The following AATK variants were observed in gnomAD, a reference collection of about 807,000 sequenced individuals.
AATK encodes serine/threonine-protein kinase LMTK1.
A neutral mutation model predicts 114.3 loss-of-function variants in AATK; 91 were observed. That is an observed-to-expected ratio of 0.80 (90% CI 0.67 to 0.95). The LOEUF is 0.95. AATK is among the 40% of genes least tolerant of loss of function. The pLI is 0.00. For missense variants in AATK, 2,176 were observed against 1,965.2 expected, an observed-to-expected ratio of 1.11 and a Z score of -2.03; for synonymous variants, 1,075 against 916.5, an observed-to-expected ratio of 1.17 and a Z score of -3.12.
chr17:81,128,942 A>G, intron 3 of AATK: 1 of 1,080,652 alleles, frequency 9.3e-7, no homozygotes, highest in Non-Finnish European at 1.1e-6. Context: ...GCCCACCCCC[A>G]CCCTGCCGCA....
At chr17:81,140,674 ACCATGGG>A (rs1567819410) in intron 1 of AATK, among the ~76,000 whole-genome samples, 17 of 76,662 alleles carry the variant, frequency 2.2e-4, no homozygotes, top group African/African-American at 5.6e-4. Flanking sequence ...GGCCGTGGGG[ACCATGGG>A]GCCGTGGGGC....
rs2061146730 is a variant in AATK at position 81,141,961 on chromosome 17, C to CTTCCTTCCTTCCTTCCTTCCTTCCT, written c.56-7461_56-7460insAGGAAGGAAGGAAGGAAGGAAGGAA. Among the ~76,000 whole-genome samples, 3 of 84,436 alleles carry CTTCCTTCCTTCCTTCCTTCCTTCCT rather than the reference C, an allele frequency of 3.6e-5. No homozygotes were observed. In the South Asian group the frequency reaches 1.3e-3, roughly 38 times the overall value. 55.4% of individuals were successfully genotyped at this position (84,436 alleles called of 152,430 possible). ...CTTCCTTCCTTCCTTCCTTTCCTTC[C>CTTCCTTCCTTCCTTCCTTCCTTCCT]TTCCTTCCTTCCTTGATAGAGTCTC... On this transcript the variant is annotated intron_variant, in intron 1 of 13. Coordinates refer to ENST00000326724, the MANE Select transcript of AATK (RefSeq NM_001080395.3).
intron 1 of AATK, among the ~76,000 whole-genome samples, chr17:81,135,170 C>T (rs2060991237): frequency 6.6e-6 from 1 of 152,220 alleles, no homozygotes; most frequent in Non-Finnish European, 1.5e-5. Context: ...CATGGAGCCC[C>T]TCATCCCAGA....
chr17:81,127,273 C>CCG (rs1555695260), intron 6 of AATK, among the ~76,000 whole-genome samples: 1 of 152,016 alleles, frequency 6.6e-6, no homozygotes, highest in African/African-American at 2.4e-5. Context: ...AGTGCCCCCC[C>CCG]CCAGTTGGCC....
rs773864534 is a variant in AATK at position 81,121,803 on chromosome 17, T to C, written c.2133A>G (p.Pro711=). 2 of 1,580,958 alleles carry C rather than the reference T, an allele frequency of 1.3e-6. No homozygotes were observed. Among genetic ancestry groups the C allele is most frequent in the Non-Finnish European group, 1.7e-6 (2 of 1,169,638 alleles). The change falls in exon 11 of 14, where the codon CCA becomes CCG. Residue 711 remains proline, a synonymous_variant. Transcript: ENST00000326724. ...CGGGGGAGGCCCGTGGGGTCTGCTT[T>C]GGACTGGGGCAGCCCTCAGCGTGGC... ...AGGHAEGCPS[P]KQTPRASPEP... is the part of the protein sequence containing the mutation.
intron 1 of AATK, among the ~76,000 whole-genome samples, chr17:81,149,863 C>T (rs1383055759): frequency 6.6e-6 from 1 of 152,322 alleles, no homozygotes; most frequent in Admixed American, 6.5e-5. Context: ...CTCAGTTTCC[C>T]CAGTCTACCT....
chr17:81,127,562 T>TC lies in AATK; in HGVS notation c.621+20dup, dbSNP rs765301658. The TC allele has an allele frequency of 1.0e-5, 16 of 1,578,312 alleles. 1 individual carries two copies. In the Middle Eastern group the frequency reaches 2.0e-3, roughly 197 times the overall value. ...CCCCGGCTCAGCAAAGACCCCAGCA[T>TC]CCCCCCGGGCAGCAGCTCACCAGTG... On this transcript the variant is annotated intron_variant, in intron 6 of 13. Coordinates refer to ENST00000326724, the MANE Select transcript of AATK (RefSeq NM_001080395.3).
intron 1 of AATK, among the ~76,000 whole-genome samples, chr17:81,158,523 A>C (rs1567829122): frequency 6.6e-6 from 1 of 152,226 alleles, no homozygotes; most frequent in Non-Finnish European, 1.5e-5. Context: ...GGGTCACGGG[A>C]AGTGAAGCAG....
Position 81,126,886 on chromosome 17 carries a change from G to A in AATK, c.622-326C>T. 8.7e-7 allele frequency: 1 copy of A among 1,155,666 alleles called. No individual in the cohort carries two copies. The highest frequency in any genetic ancestry group is 1.1e-6 in the Non-Finnish European group (1 of 932,716). The allele number at this position is 1,155,666 out of a possible 1,614,324, so 71.6% of individuals were successfully genotyped here. On this transcript the variant is annotated intron_variant, in intron 6 of 13. Coordinates refer to ENST00000326724, the MANE Select transcript of AATK (RefSeq NM_001080395.3). This position sits in a 1 kb window ranked among gnomAD's most constrained non-coding sequence, Gnocchi z 5.1. ...ATGGAGTCTGGGGCTGGTGGTCGAG[G>A]GTTGGCCGGCAGCCCCTGACCTGCC...
chr17:81,138,079 C>T (rs1163884314), intron 1 of AATK, among the ~76,000 whole-genome samples: 1 of 150,918 alleles, frequency 6.6e-6, no homozygotes. Flanking sequence ...CGGACCCACA[C>T]CTGTGTGCAC....
rs142492797 is a variant in AATK at position 81,157,545 on chromosome 17, C to T, written c.55+8393G>A. Among the ~76,000 whole-genome samples the T allele has an allele frequency of 8.6e-3, 1,309 of 152,228 alleles. 7 individuals are homozygous for T. The highest frequency in any genetic ancestry group is 0.013 in the Non-Finnish European group (902 of 68,012). The stretch of plus-strand genomic sequence containing the variant: ...CTCTAAGTCCGCCTCTCCTGCCCCT[C>T]GACAGCCAACCCTGCAATCAAACAT... On this transcript the variant is annotated intron_variant, in intron 1 of 13. Coordinates refer to ENST00000326724, the MANE Select transcript of AATK (RefSeq NM_001080395.3).
chr17:81,143,538 C>T (rs868700161), intron 1 of AATK, among the ~76,000 whole-genome samples: 2 of 85,166 alleles, frequency 2.3e-5, no homozygotes, highest in African/African-American at 3.6e-5. Context: ...AGCCCCCACC[C>T]CCCGTGTCCA....
intron 1 of AATK, among the ~76,000 whole-genome samples, chr17:81,160,003 G>A (rs980952887): frequency 2.0e-5 from 3 of 152,172 alleles, no homozygotes; most frequent in African/African-American, 4.8e-5. Context: ...ACGCCCCGCC[G>A]TGAGAGGTGG....
At chr17:81,119,290 G>A in intron 13 of AATK, 90 bp downstream of exon 13, 2 of 1,359,060 alleles carry the variant, frequency 1.5e-6, no homozygotes, top group Non-Finnish European at 1.9e-6. Flanking sequence ...GGCTGGCCCG[G>A]CCCAGGACCT....
rs746820703 is a variant in AATK at position 81,166,033 on chromosome 17, C to CGCTCAGGA, written c.-49_-42dup. ...CGGCGGGCATCCCGGGAGGGCGCTG[C>CGCTCAGGA]GCTCAGGACGCCCGCGGCCCCGGCC... On this transcript the variant is annotated 5_prime_UTR_variant, in exon 1 of 14. Coordinates refer to ENST00000326724, the MANE Select transcript of AATK (RefSeq NM_001080395.3). 19 of 1,452,012 alleles carry CGCTCAGGA rather than the reference C, an allele frequency of 1.3e-5. No homozygotes were observed. In the South Asian group the frequency reaches 2.3e-4, roughly 17 times the overall value. The allele number at this position is 1,452,012 out of a possible 1,614,324, so 89.9% of individuals were successfully genotyped here. A position where few individuals can be genotyped will look rare whatever the true frequency, so the allele number is the denominator to read the frequency against.
At chr17:81,163,876 A>C (rs946021830) in intron 1 of AATK, among the ~76,000 whole-genome samples, 8 of 152,248 alleles carry the variant, frequency 5.3e-5, no homozygotes, top group African/African-American at 1.9e-4. Context: ...AACTGAGGTG[A>C]GACCCCCATG....
In AATK at chr17:81,122,396, C is replaced by CCGGGGGCGCGCCGT; in HGVS notation, c.1526_1539dup (p.Gly514ThrfsTer26). The CCGGGGGCGCGCCGT allele has an allele frequency of 2.7e-6, 4 of 1,476,728 alleles. No homozygotes were observed. Among genetic ancestry groups the CCGGGGGCGCGCCGT allele is most frequent in the East Asian group, 5.8e-5 (2 of 34,618 alleles). 91.5% of individuals were successfully genotyped at this position (1,476,728 alleles called of 1,614,324 possible). ...TGCGCGCTGAGCACCGGAACCACGCCCGGGGGCGCGCCGTCGGGGGCGCAC... is the reference window on the plus strand; with the variant it reads ...TGCGCGCTGAGCACCGGAACCACGCCCGGGGGCGCGCCGTCGGGGGCGCGCCGTCGGGGGCGCAC... On this transcript the variant is annotated frameshift_variant, in exon 11 of 14. Coordinates refer to ENST00000326724, the MANE Select transcript of AATK (RefSeq NM_001080395.3). LOFTEE classifies it high-confidence loss of function.
chr17:81,124,268 C>T (rs1003488804), intron 9 of AATK, among the ~76,000 whole-genome samples: 2 of 152,180 alleles, frequency 1.3e-5, no homozygotes, highest in Non-Finnish European at 2.9e-5. Context: ...TCCGAGTCTA[C>T]ACCAGGTGTG....
chr17:81,118,330 G>T lies in AATK; in HGVS notation c.*72C>A. 1.3e-6 allele frequency: 2 copies of T among 1,499,012 alleles called. No homozygotes were observed. Among genetic ancestry groups the T allele is most frequent in the Non-Finnish European group, 1.8e-6 (2 of 1,104,296 alleles). 92.9% of individuals were successfully genotyped at this position (1,499,012 alleles called of 1,614,324 possible). On this transcript the variant is annotated 3_prime_UTR_variant, in exon 14 of 14. Transcript: ENST00000326724. ...CCAGGACGTGGTCCCCACCTTCTCG[G>T]TCACCATCCTCGCTGCTGCCTGGCA...
Sources: allele counts gnomAD v4.1 joint callset (sites outside exome capture counted in the v4.1 genomes callset), GRCh38; gene constraint gnomAD v4.1.1; non-coding constraint Gnocchi (gnomAD v3.1); transcripts MANE v1.5; gene names NCBI Gene and HGNC (gene_info 2026-07-23, HGNC 2026-07-21).